The following ZNF517 variants were observed in gnomAD, a reference collection of about 807,000 sequenced individuals.
The protein encoded by ZNF517 is zinc finger protein 517.
ZNF517 carries 12 observed loss-of-function variants against 12.1 expected under a neutral mutation model. The ratio of observed to expected loss-of-function variants is 0.99; its 90% CI spans 0.63 to 1.61. The LOEUF (loss-of-function observed/expected upper bound fraction) is 1.61, where lower values mean the gene tolerates loss of function less well. Ranked by LOEUF, ZNF517 falls within the 40% of genes most tolerant of loss-of-function variation. The pLI is 0.00. For synonymous variants in ZNF517, 388 were observed against 310.2 expected, an observed-to-expected ratio of 1.25 and a Z score of -2.63; for missense variants, 781 against 693.2, an observed-to-expected ratio of 1.13 and a Z score of -1.42.
At chr8:144,813,072 C>T (rs1327967811), downstream of ZNF517, among the ~76,000 whole-genome samples, 1 of 152,020 alleles carries the variant, frequency 6.6e-6, no homozygotes, top group Admixed American at 6.6e-5. Context: ...AATACTAACA[C>T]TTTGGGAGGC....
intron 1 of ZNF517, among the ~76,000 whole-genome samples, chr8:144,799,257 G>C (rs906510415): frequency 6.6e-6 from 1 of 152,216 alleles, no homozygotes; most frequent in African/African-American, 2.4e-5. Flanking sequence ...GGAGGACCAG[G>C]CTCTGCCCCT....
chr8:144,808,053 C>A lies in ZNF517; in HGVS notation c.1137C>A (p.His379Gln). The A allele has an allele frequency of 6.2e-7, 1 of 1,606,086 alleles. No homozygotes were observed. Among genetic ancestry groups the A allele is most frequent in the African/African-American group, 1.3e-5 (1 of 74,810 alleles). The change falls in exon 5 of 5, where the codon CAC becomes CAA. Residue 379 changes from histidine (H) to glutamine (Q), a missense_variant. Physicochemically the swap from His to Gln is conservative, Grantham distance 24. Coordinates refer to ENST00000359971, the MANE Select transcript of ZNF517 (RefSeq NM_213605.3). ...CGGTGTGCGGGAGGCCGTTCCGACACAACTCCCTGCTGCTGCTGCACCTGC... is the reference window on the plus strand; with the variant it reads ...CGGTGTGCGGGAGGCCGTTCCGACAAAACTCCCTGCTGCTGCTGCACCTGC... ...ECPVCGRPFR[H>Q]NSLLLLHLRL... is the part of the protein sequence containing the mutation.
At chr8:144,800,583 G>A (rs1312961107) in intron 1 of ZNF517, 2 of 985,338 alleles carry the variant, frequency 2.0e-6, no homozygotes, top group Non-Finnish European at 2.4e-6. Context: ...AGGACAACAC[G>A]TGTGGCCATC....
At chr8:144,810,421 G>T, downstream of ZNF517, 1 of 421,904 alleles carries the variant, frequency 2.4e-6, no homozygotes, top group Non-Finnish European at 4.2e-6. Context: ...TGGGAAGCCT[G>T]GCCCTGGTAG....
intron 2 of ZNF517, 48 bp downstream of exon 2, chr8:144,802,995 C>T: frequency 6.2e-7 from 1 of 1,610,976 alleles, no homozygotes; most frequent in Non-Finnish European, 8.5e-7. Context: ...CTGCTTCGCC[C>T]CTAGCCTCAG....
At chr8:144,803,226 T>G in intron 2 of ZNF517, 1 of 513,424 alleles carries the variant, frequency 1.9e-6, no homozygotes, top group Non-Finnish European at 3.5e-6. Flanking sequence ...CCTTCCCCAG[T>G]GCCTGCCTCC....
In ZNF517 at chr8:144,809,219, ATC is replaced by A. The variant is rs1320438597; in HGVS notation, c.*830_*831del. 4 of 151,216 alleles carry A rather than the reference ATC, an allele frequency of 2.6e-5. No homozygotes were observed. The highest frequency in any genetic ancestry group is 1.9e-4 in the East Asian group (1 of 5,144). The allele number at this position is 151,216 out of a possible 1,614,324, so 9.4% of individuals were successfully genotyped here. A position where few individuals can be genotyped will look rare whatever the true frequency, so the allele number is the denominator to read the frequency against. On this transcript the variant is annotated 3_prime_UTR_variant, in exon 5 of 5. Coordinates refer to ENST00000359971, the MANE Select transcript of ZNF517 (RefSeq NM_213605.3). ...TATCTATCTCTTTTTTTGAGGCAGG[ATC>A]TCTCTGTCAGCCAGCCTGGAGTGCA... is the stretch of plus-strand genomic sequence containing the variant.
Position 144,808,136 on chromosome 8 carries a change from G to C in ZNF517, c.1220G>C (p.Arg407Pro), listed in dbSNP as rs769339854. The C allele has an allele frequency of 6.2e-7, 1 of 1,611,238 alleles. No individual in the cohort carries two copies. Among genetic ancestry groups the C allele is most frequent in the Non-Finnish European group, 8.5e-7 (1 of 1,179,256 alleles). Residue 407 changes from arginine (R) to proline (P), a missense_variant, in exon 5 of 5, where the codon CGC (arginine) becomes CCC (proline). Transcript: ENST00000359971. ...ECAECGKAFG[R>P]KSNLTLHQKI... ...GCGGAGTGCGGCAAGGCCTTCGGTC[G>C]CAAGTCCAACCTCACTCTGCACCAG...
intron 1 of ZNF517, chr8:144,800,450 G>A: frequency 1.0e-6 from 1 of 978,162 alleles, no homozygotes; most frequent in Non-Finnish European, 1.2e-6. Context: ...CCTAGTCCAA[G>A]TCCTACCCTA....
chr8:144,806,037 A>T (rs1827212044), intron 4 of ZNF517, among the ~76,000 whole-genome samples: 2 of 152,122 alleles, frequency 1.3e-5, no homozygotes, highest in South Asian at 4.1e-4. Flanking sequence ...TATTTTATAT[A>T]TTTTCTTTAT....
rs773923398 is a variant in ZNF517 at position 144,808,043 on chromosome 8, C to T, written c.1127C>T (p.Pro376Leu). 15 of 1,601,868 alleles carry T rather than the reference C, an allele frequency of 9.4e-6. No individual in the cohort carries two copies. In the South Asian group the frequency reaches 1.1e-4, roughly 12 times the overall value. ...CACGAGTGCCCGGTGTGCGGGAGGCCGTTCCGACACAACTCCCTGCTGCTG... is the reference window on the plus strand; with the variant it reads ...CACGAGTGCCCGGTGTGCGGGAGGCTGTTCCGACACAACTCCCTGCTGCTG... ...PPHECPVCGR[P>L]FRHNSLLLLH... is the part of the protein sequence containing the mutation. Residue 376 changes from proline (P) to leucine (L), a missense_variant, in exon 5 of 5, where the codon CCG becomes CTG. By Grantham distance (98) the Pro-to-Leu change is moderately conservative (BLOSUM62 -3). Transcript: ENST00000359971.
intron 1 of ZNF517, chr8:144,800,633 C>G: frequency 1.0e-6 from 1 of 985,346 alleles, no homozygotes; most frequent in Non-Finnish European, 1.2e-6. Context: ...CTGCCCTGGA[C>G]AGACAGTGAG....
In ZNF517 at chr8:144,798,953, CCG is replaced by C. The variant is rs1489387516; in HGVS notation, c.-46+19_-46+20del. On this transcript the variant is annotated intron_variant, in intron 1 of 4. Transcript: ENST00000359971. ...GCGGCCCAGGGTGAGTCGGCCGCGGCCGCGGGGCGGGGACTGGGAGGGGCGCG... is the reference window on the plus strand; with the variant it reads ...GCGGCCCAGGGTGAGTCGGCCGCGGCCGGGGCGGGGACTGGGAGGGGCGCG... 2.6e-5 allele frequency: 4 copies of C among 152,110 alleles called. No individual in the cohort carries two copies. Among genetic ancestry groups the C allele is most frequent in the Non-Finnish European group, 5.9e-5 (4 of 68,006 alleles). 9.4% of individuals were successfully genotyped at this position (152,110 alleles called of 1,614,324 possible). A position where few individuals can be genotyped will look rare whatever the true frequency, so the allele number is the denominator to read the frequency against.
rs1031885035 is a variant in ZNF517 at position 144,807,492 on chromosome 8, T to C, written c.576T>C (p.Leu192=). The C allele has an allele frequency of 6.3e-7, 1 of 1,585,936 alleles. No homozygotes were observed. Among genetic ancestry groups the C allele is most frequent in the Non-Finnish European group, 8.6e-7 (1 of 1,166,790 alleles). ...CGKAFRYNSL[L]LRHQIIHTGA... The stretch of plus-strand genomic sequence containing the variant: ...AGGCGTTCAGATACAACTCGCTGCT[T>C]CTCAGGCACCAGATCATCCACACCG... Residue 192 remains leucine, a synonymous_variant, in exon 5 of 5, where the codon CTT becomes CTC. Coordinates refer to ENST00000359971, the MANE Select transcript of ZNF517 (RefSeq NM_213605.3).
chr8:144,808,323 G>A lies in ZNF517; in HGVS notation c.1407G>A (p.Gln469=). ...RACSRLSTLI[Q]HQKVHGREPG... ...GCAGCCGGCTGTCCACCCTCATCCA[G>A]CACCAGAAGGTGCACGGCCGCGAGC... Residue 469 remains glutamine (Q), a synonymous_variant, in exon 5 of 5, where the codon CAG becomes CAA. Coordinates refer to ENST00000359971, the MANE Select transcript of ZNF517 (RefSeq NM_213605.3). 2 of 1,510,454 alleles carry A rather than the reference G, an allele frequency of 1.3e-6. No homozygotes were observed. Among genetic ancestry groups the A allele is most frequent in the East Asian group, 4.8e-5 (2 of 41,364 alleles). The allele number at this position is 1,510,454 out of a possible 1,614,324, so 93.6% of individuals were successfully genotyped here.
chr8:144,803,768 G>C lies in ZNF517; in HGVS notation c.160+1G>C. ...AACTATGGGAACCTGGCCTCACTAG[G>C]TGAGGGCTTCTGCCTTTGGTCCTGG... On this transcript the variant is annotated splice_donor_variant, in intron 3 of 4. Transcript: ENST00000359971. LOFTEE classifies it high-confidence loss of function. 6.2e-7 allele frequency: 1 copy of C among 1,613,560 alleles called. No homozygotes were observed. Among genetic ancestry groups the C allele is most frequent in the Non-Finnish European group, 8.5e-7 (1 of 1,179,618 alleles).
rs1827387671 is a variant in ZNF517 at position 144,808,244 on chromosome 8, A to G, written c.1328A>G (p.Tyr443Cys). The G allele has an allele frequency of 6.3e-7, 1 of 1,599,210 alleles. No homozygotes were observed. The highest frequency in any genetic ancestry group is 1.7e-5 in the Admixed American group (1 of 58,834). ...FRRSYTLNEH[Y>C]RLHSGERPYR... ...AGGAGCTACACGCTGAACGAGCACT[A>G]CCGGCTCCACAGCGGCGAGAGGCCA... Residue 443 changes from tyrosine to cysteine, a missense_variant, in exon 5 of 5, where the codon TAC (tyrosine) becomes TGC (cysteine). Tyr to Cys is a radical substitution (Grantham distance 194). Transcript: ENST00000359971.
intron 4 of ZNF517, among the ~76,000 whole-genome samples, chr8:144,805,217 C>T (rs775904168): frequency 1.1e-4 from 17 of 152,250 alleles, no homozygotes; most frequent in African/African-American, 2.4e-4. Flanking sequence ...TGGCCCTGTC[C>T]GGGCGTGACA....
In ZNF517 at chr8:144,802,904, G is replaced by C. The variant is rs1357484014; in HGVS notation, c.-11G>C. On this transcript the variant is annotated 5_prime_UTR_variant, in exon 2 of 5. Transcript: ENST00000359971. ...TCTGTAGCATCTGCTCCTCCACAGAGGGACCCTGGAATGGCGATGGCACTC... is the reference window on the plus strand; with the variant it reads ...TCTGTAGCATCTGCTCCTCCACAGACGGACCCTGGAATGGCGATGGCACTC... 6.2e-7 allele frequency: 1 copy of C among 1,613,850 alleles called. No individual in the cohort carries two copies. Among genetic ancestry groups the C allele is most frequent in the Non-Finnish European group, 8.5e-7 (1 of 1,179,956 alleles).
Sources: gnomAD v4.1 joint callset for allele counts (sites outside exome capture counted in the v4.1 genomes callset) on GRCh38, gnomAD v4.1.1 for gene constraint, MANE v1.5 for transcripts, NCBI Gene and HGNC (gene_info 2026-07-23, HGNC 2026-07-21) for gene names.